Variants in SLC45A4 observed in about 807,000 individuals in gnomAD.
SLC45A4 encodes the protein solute carrier family 45 member 4, also known as polyamine-transporter SLC45A4.
A neutral mutation model predicts 63.7 loss-of-function variants in SLC45A4; 32 were observed. The observed-to-expected ratio is 0.50, with a 90% CI of 0.38 to 0.67. SLC45A4 has a LOEUF of 0.67. SLC45A4 is among the 30% of genes least tolerant of loss of function. The pLI is 0.00. For missense variants in SLC45A4, 1,027 were observed against 1,157.7 expected, an observed-to-expected ratio of 0.89 and a Z score of 1.64; for synonymous variants, 535 against 510.0, an observed-to-expected ratio of 1.05 and a Z score of -0.66.
At chr8:141,304,571 AAAG>A (rs1354648826) in intron 1 of SLC45A4, among the ~76,000 whole-genome samples, 1 of 133,686 alleles carries the variant, frequency 7.5e-6, no homozygotes, top group Non-Finnish European at 1.7e-5. Context: ...AAAAAAAAAA[AAAG>A]GGGGGGAGAG....
intron 2 of SLC45A4, among the ~76,000 whole-genome samples, chr8:141,245,667 A>G (rs984710661): frequency 6.6e-6 from 1 of 152,174 alleles, no homozygotes; most frequent in Admixed American, 6.5e-5. Context: ...TCTTAGAGCT[A>G]GATGGGACTC....
chr8:141,293,719 G>A (rs531219590), intron 1 of SLC45A4, among the ~76,000 whole-genome samples: 89 of 152,222 alleles, frequency 5.8e-4, no homozygotes, highest in African/African-American at 2.1e-3. Flanking sequence ...GATTGCCTGA[G>A]GTTGGGAGTT....
chr8:141,273,215 T>C lies in SLC45A4; in HGVS notation c.-400-18586A>G, dbSNP rs1194606481. On this transcript the variant is annotated intron_variant, in intron 1 of 8. Transcript: ENST00000517878. ...CTGTATATAGTCTCCTTGATTTGCATGATCAGCTGAGTAGGTTTTTGGATT... is the reference window on the plus strand; with the variant it reads ...CTGTATATAGTCTCCTTGATTTGCACGATCAGCTGAGTAGGTTTTTGGATT... 3.9e-5 allele frequency among the ~76,000 whole-genome samples: 6 copies of C among 152,366 alleles called. No homozygotes were observed. In the South Asian group the frequency reaches 8.3e-4, roughly 21 times the overall value.
At chr8:141,292,493 G>A (rs1013822953) in intron 1 of SLC45A4, among the ~76,000 whole-genome samples, 1 of 152,226 alleles carries the variant, frequency 6.6e-6, no homozygotes, top group Non-Finnish European at 1.5e-5. Context: ...CAGGCTCCTC[G>A]GGTCCCTCCT....
At chr8:141,230,138 G>A (rs974914441) in intron 2 of SLC45A4, 34 of 456,210 alleles carry the variant, frequency 7.5e-5, no homozygotes, top group African/African-American at 6.6e-4. Context: ...AACACAGCCG[G>A]CCCGGTGAGT....
At chr8:141,298,314 G>A (rs770524315) in intron 1 of SLC45A4, among the ~76,000 whole-genome samples, 8 of 152,248 alleles carry the variant, frequency 5.3e-5, no homozygotes, top group Non-Finnish European at 7.3e-5. Flanking sequence ...CTGCTCAGAC[G>A]TTTTCCGCAC....
intron 3 of SLC45A4, among the ~76,000 whole-genome samples, chr8:141,220,374 T>A (rs1426334400): frequency 6.6e-6 from 1 of 152,124 alleles, no homozygotes; most frequent in Non-Finnish European, 1.5e-5. Context: ...GCAGCCTGGG[T>A]TCAGGAGACG....
chr8:141,288,287 T>C (rs1563676232), intron 1 of SLC45A4, among the ~76,000 whole-genome samples: 2 of 152,202 alleles, frequency 1.3e-5, no homozygotes, highest in Admixed American at 6.5e-5. Context: ...GGCCGCTCAG[T>C]GCAAAACACA....
chr8:141,231,417 T>C (rs1569558306), intron 2 of SLC45A4, among the ~76,000 whole-genome samples: 1 of 152,200 alleles, frequency 6.6e-6, no homozygotes, highest in Non-Finnish European at 1.5e-5. Context: ...CTGGACCAGA[T>C]GACCAGCTAA....
At chr8:141,258,255 G>A (rs1828894177) in intron 1 of SLC45A4, among the ~76,000 whole-genome samples, 1 of 152,038 alleles carries the variant, frequency 6.6e-6, no homozygotes, top group Non-Finnish European at 1.5e-5. Context: ...GTGGAGCCCT[G>A]CTTGGCTCCC....
chr8:141,261,832 C>T (rs997502691), intron 1 of SLC45A4, among the ~76,000 whole-genome samples: 3 of 152,262 alleles, frequency 2.0e-5, no homozygotes, highest in African/African-American at 7.2e-5. Context: ...CCATCCCCAT[C>T]AAGCTACCAA....
chr8:141,253,894 A>G, intron 2 of SLC45A4, 95 bp downstream of exon 2: 2 of 1,492,460 alleles, frequency 1.3e-6, no homozygotes, highest in Non-Finnish European at 1.8e-6. Flanking sequence ...GCTCTCCAGG[A>G]CGCACCATCC....
chr8:141,258,573 C>T (rs546648927), intron 1 of SLC45A4, among the ~76,000 whole-genome samples: 1 of 152,286 alleles, frequency 6.6e-6, no homozygotes, highest in East Asian at 1.9e-4. Context: ...ACTCATTCAG[C>T]CTGTGCAACA....
intron 1 of SLC45A4, among the ~76,000 whole-genome samples, chr8:141,291,650 G>A (rs562372745): frequency 3.9e-5 from 6 of 152,304 alleles, no homozygotes; most frequent in South Asian, 2.1e-4. Flanking sequence ...ATGGACAAAC[G>A]TATGAACGAC....
In SLC45A4 at chr8:141,229,814, C is replaced by T. The variant is rs1254771079; in HGVS notation, c.242-8049G>A. 2.0e-5 allele frequency among the ~76,000 whole-genome samples: 3 copies of T among 152,188 alleles called. No individual in the cohort carries two copies. Among genetic ancestry groups the T allele is most frequent in the East Asian group, 1.9e-4 (1 of 5,172 alleles). ...TCGGCTCTGAGCTTGCAGCCCACCC[C>T]ACTCTGGCTGCGGGACTTTGGAGCA... On this transcript the variant is annotated intron_variant, in intron 2 of 8. Transcript: ENST00000517878. This position sits in a 1 kb window ranked among gnomAD's most constrained non-coding sequence, Gnocchi z 5.0.
At position 141,229,362 on chromosome 8, in the gene SLC45A4, C is replaced by T. The variant is rs1217829650; in HGVS notation, c.242-7597G>A. ...ACTGGCTGGACAGCCCATGCCAGAC[C>T]GCTTCCCTCTCCACACCAGACTCCA... On this transcript the variant is annotated intron_variant, in intron 2 of 8. Coordinates refer to ENST00000517878, the MANE Select transcript of SLC45A4 (RefSeq NM_001286646.2). This position sits in a 1 kb window ranked among gnomAD's most constrained non-coding sequence, Gnocchi z 5.0. Among the ~76,000 whole-genome samples the T allele has an allele frequency of 5.3e-5, 8 of 152,240 alleles. No individual in the cohort carries two copies. Among genetic ancestry groups the T allele is most frequent in the East Asian group, 1.9e-4 (1 of 5,158 alleles).
rs1323079578 is a variant in SLC45A4 at position 141,277,436 on chromosome 8, G to A, written c.-400-22807C>T. Among the ~76,000 whole-genome samples, 12 of 152,136 alleles carry A rather than the reference G, an allele frequency of 7.9e-5. No individual in the cohort carries two copies. In the East Asian group the frequency reaches 2.3e-3, roughly 29 times the overall value. On this transcript the variant is annotated intron_variant, in intron 1 of 8. Transcript: ENST00000517878. ...AAAAATAATTAAGCCAAGCTACTCT[G>A]GACACAATGGAGTCCTCAAATTCAT...
rs553004058 is a variant in SLC45A4 at position 141,208,137 on chromosome 8, G to A, written c.*3435C>T. 5 of 152,274 alleles carry A rather than the reference G, an allele frequency of 3.3e-5. No individual in the cohort carries two copies. The highest frequency in any genetic ancestry group is 7.3e-5 in the Non-Finnish European group (5 of 68,062). 9.4% of individuals were successfully genotyped at this position (152,274 alleles called of 1,614,324 possible). On this transcript the variant is annotated 3_prime_UTR_variant, in exon 9 of 9. Coordinates refer to ENST00000517878, the MANE Select transcript of SLC45A4 (RefSeq NM_001286646.2). Reference sequence around the variant, plus strand: ...GAAGCGAAACAGCGTGGGAAAAGGTGTCCATCTTTTCTGAAGCCGGTTAAT... The same window carrying A: ...GAAGCGAAACAGCGTGGGAAAAGGTATCCATCTTTTCTGAAGCCGGTTAAT...
chr8:141,250,574 G>A (rs760582217), intron 2 of SLC45A4, among the ~76,000 whole-genome samples: 2 of 151,944 alleles, frequency 1.3e-5, no homozygotes, highest in Non-Finnish European at 2.9e-5. Context: ...TTGTAGACAC[G>A]GAGTTTCACT....
Sources: gnomAD v4.1 joint callset for allele counts (sites outside exome capture counted in the v4.1 genomes callset) on GRCh38, gnomAD v4.1.1 for gene constraint, Gnocchi (gnomAD v3.1) non-coding constraint, MANE v1.5 for transcripts, NCBI Gene and HGNC (gene_info 2026-07-23, HGNC 2026-07-21) for gene names.